LRRC49: variants seen among roughly 807,000 people sequenced by gnomAD.
LRRC49 encodes leucine rich repeat containing 49, also known as leucine-rich repeat-containing protein 49.
A neutral mutation model predicts 83.3 loss-of-function variants in LRRC49; 50 were observed. The ratio of observed to expected loss-of-function variants is 0.60; its 90% CI spans 0.48 to 0.76. The LOEUF (loss-of-function observed/expected upper bound fraction) is 0.76. Ranked by LOEUF, LRRC49 falls within the 30% of genes least tolerant of loss-of-function variation. LRRC49 has a pLI of 0.00. For synonymous variants in LRRC49, 286 were observed against 283.3 expected (o/e 1.01, Z -0.10); for missense variants, 704 against 809.1 (o/e 0.87, Z 1.58).
chr15:70,992,388 T>A (rs1239663127), intron 11 of LRRC49, among the ~76,000 whole-genome samples: 1 of 152,212 alleles, frequency 6.6e-6, no homozygotes, highest in Non-Finnish European at 1.5e-5. Context: ...GGCGCTCTGA[T>A]TTTTAGAATT....
chr15:70,976,879 G>C (rs2037225428), intron 9 of LRRC49, among the ~76,000 whole-genome samples: 3 of 151,668 alleles, frequency 2.0e-5, no homozygotes, highest in African/African-American at 7.3e-5. Context: ...GTAATTATTT[G>C]GGCTGAAATA....
intron 1 of LRRC49, chr15:70,858,804 C>T: frequency 2.4e-6 from 2 of 824,400 alleles, no homozygotes; most frequent in Admixed American, 1.9e-5. Context: ...GGGCCCAGTG[C>T]CCGCATCAGC....
chr15:70,859,026 T>C (rs1357492771), intron 1 of LRRC49: 65 of 1,274,858 alleles, frequency 5.1e-5, no homozygotes, highest in Non-Finnish European at 7.0e-5. Flanking sequence ...TTTGCCTCCT[T>C]CATAGACAAG....
At chr15:71,034,831 G>A (rs1469205600) in intron 14 of LRRC49, among the ~76,000 whole-genome samples, 1 of 152,160 alleles carries the variant, frequency 6.6e-6, no homozygotes, top group African/African-American at 2.4e-5. Context: ...CTTATAAGTG[G>A]GAGCTGAACA....
chr15:70,940,414 G>A (rs1173117894), intron 8 of LRRC49, among the ~76,000 whole-genome samples: 2 of 152,072 alleles, frequency 1.3e-5, no homozygotes, highest in Non-Finnish European at 2.9e-5. Flanking sequence ...CCGCCACCAT[G>A]CCCGGCTAAT....
At position 70,855,524 on chromosome 15, in the gene LRRC49, A is replaced by G. The variant is rs561072357; in HGVS notation, c.-299+2055A>G. Among the ~76,000 whole-genome samples, 7 of 152,252 alleles carry G rather than the reference A, an allele frequency of 4.6e-5. No homozygotes were observed. The South Asian group carries it at 1.2e-3, about 27-fold the overall frequency. On this transcript the variant is annotated intron_variant, in intron 1 of 16. Transcript: ENST00000544974. ...AATACATTTGTTTTGATATAGAAAG[A>G]CAAGTTAGGATAGGCTTAGGAAATG...
intron 11 of LRRC49, among the ~76,000 whole-genome samples, chr15:70,988,963 C>T (rs2037748622): frequency 6.6e-6 from 1 of 152,080 alleles, no homozygotes; most frequent in Admixed American, 6.5e-5. Context: ...TGAATATTGA[C>T]CCCCACTCTC....
At chr15:70,911,157 C>T (rs1354769459) in intron 5 of LRRC49, among the ~76,000 whole-genome samples, 7 of 152,128 alleles carry the variant, frequency 4.6e-5, no homozygotes, top group Admixed American at 2.6e-4. Context: ...AGTGAGTGAG[C>T]GAGCCTGTGG....
intron 9 of LRRC49, among the ~76,000 whole-genome samples, chr15:70,969,624 T>G (rs1451561014): frequency 6.6e-6 from 1 of 152,210 alleles, no homozygotes; most frequent in Non-Finnish European, 1.5e-5. Context: ...CATAGAATGT[T>G]TTTCCATTTG....
chr15:71,036,952 G>A (rs557056176), intron 14 of LRRC49, among the ~76,000 whole-genome samples: 15 of 152,146 alleles, frequency 9.9e-5, no homozygotes, highest in Admixed American at 3.9e-4. Flanking sequence ...TGTTTGAGAC[G>A]TATTTTCATT....
intron 6 of LRRC49, among the ~76,000 whole-genome samples, chr15:70,914,423 AATG>A (rs932990142): frequency 6.6e-6 from 1 of 152,200 alleles, no homozygotes; most frequent in Non-Finnish European, 1.5e-5. Flanking sequence ...CATTCTGAGT[AATG>A]ATGATGGTGT....
intron 14 of LRRC49, among the ~76,000 whole-genome samples, chr15:71,033,797 C>G (rs945494660): frequency 6.6e-6 from 1 of 152,122 alleles, no homozygotes; most frequent in Non-Finnish European, 1.5e-5. Flanking sequence ...AAGGGATTCC[C>G]TATTTAATAA....
At chr15:71,046,187 G>T (rs571543176) in intron 15 of LRRC49, among the ~76,000 whole-genome samples, 1 of 152,328 alleles carries the variant, frequency 6.6e-6, no homozygotes, top group African/African-American at 2.4e-5. Context: ...TTGGTAGAAT[G>T]ATTTATTTTC....
rs763338293 is a variant in LRRC49, at chr15:70,904,680, A to G, written c.425A>G (p.Tyr142Cys). 2.5e-6 allele frequency: 4 copies of G among 1,613,594 alleles called. 1 individual carries two copies. The highest frequency in any genetic ancestry group is 2.2e-5 in the South Asian group (2 of 91,048). ...NLQKLISLDL[Y>C]DNQIEEISGL... ...CAGAAGTTAATATCGTTGGATTTATATGATAACCAGATTGAAGAAATTAGT... is the reference window on the plus strand; with the variant it reads ...CAGAAGTTAATATCGTTGGATTTATGTGATAACCAGATTGAAGAAATTAGT... The change falls in exon 5 of 16, where the codon TAT (tyrosine) becomes TGT (cysteine). Residue 142 changes from tyrosine (Y) to cysteine (C), a missense_variant. By Grantham distance (194) the Tyr-to-Cys change is radical (BLOSUM62 -2). Transcript: ENST00000260382.
At chr15:70,985,814 T>G (rs1036293784) in intron 11 of LRRC49, among the ~76,000 whole-genome samples, 4 of 148,236 alleles carry the variant, frequency 2.7e-5, no homozygotes, top group African/African-American at 7.5e-5. Context: ...GTATAAGGTG[T>G]AAGGAAGGGA....
At chr15:70,863,204 G>A (rs910640719) in intron 1 of LRRC49, among the ~76,000 whole-genome samples, 1 of 152,182 alleles carries the variant, frequency 6.6e-6, no homozygotes, top group Non-Finnish European at 1.5e-5. Context: ...TTATTTAAAT[G>A]TATAGTCCTG....
chr15:71,033,203 T>C (rs1046801886), intron 14 of LRRC49, among the ~76,000 whole-genome samples: 1 of 152,176 alleles, frequency 6.6e-6, no homozygotes, highest in Non-Finnish European at 1.5e-5. Context: ...TTGCAAGCAT[T>C]CCTACACACC....
chr15:70,997,148 C>A (rs988137070), intron 11 of LRRC49, among the ~76,000 whole-genome samples: 4 of 152,164 alleles, frequency 2.6e-5, no homozygotes, highest in Non-Finnish European at 5.9e-5. Context: ...GTATTGAAGT[C>A]TCCAACTATT....
At chr15:71,012,935 T>G (rs2038704539) in intron 14 of LRRC49, 22 bp downstream of exon 14, 21 of 1,466,712 alleles carry the variant, frequency 1.4e-5, no homozygotes, top group Non-Finnish European at 2.0e-5. Context: ...TTTTTGTAGT[T>G]TTTTATAGAA....
Sources: allele counts gnomAD v4.1 joint callset (sites outside exome capture counted in the v4.1 genomes callset), GRCh38; gene constraint gnomAD v4.1.1; transcripts MANE v1.5; gene names NCBI Gene and HGNC (gene_info 2026-07-23, HGNC 2026-07-21).